The following COL23A1 variants were observed in gnomAD, a reference collection of about 807,000 sequenced individuals.
COL23A1 encodes the protein collagen alpha-1(XXIII) chain.
COL23A1 carries 97 observed loss-of-function variants against 99.3 expected under a neutral mutation model. The observed-to-expected ratio is 0.98, with a 90% CI of 0.83 to 1.16. The LOEUF is 1.16. Among genes scored for constraint, COL23A1 ranks in the 50% most tolerant of loss-of-function variants. COL23A1 has a pLI of 0.00. For missense variants in COL23A1, 762 were observed against 757.4 expected, an observed-to-expected ratio of 1.01 and a Z score of -0.07; for synonymous variants, 320 against 308.2, an observed-to-expected ratio of 1.04 and a Z score of -0.40.
At chr5:178,522,437 G>T (rs1433099870) in intron 2 of COL23A1, among the ~76,000 whole-genome samples, 1 of 152,058 alleles carries the variant, frequency 6.6e-6, no homozygotes, top group African/African-American at 2.4e-5. Context: ...CTAGGACCGG[G>T]GAATAACTCG....
At chr5:178,411,950 G>A (rs145476565) in intron 2 of COL23A1, among the ~76,000 whole-genome samples, 63 of 152,308 alleles carry the variant, frequency 4.1e-4, no homozygotes, top group African/African-American at 1.5e-3. Flanking sequence ...GAATAAGTCG[G>A]CATCATTTTA....
intron 2 of COL23A1, among the ~76,000 whole-genome samples, chr5:178,558,595 C>T (rs1762399829): frequency 6.6e-6 from 1 of 152,150 alleles, no homozygotes; most frequent in Admixed American, 6.5e-5. Flanking sequence ...TTGCTGGCGG[C>T]AACCCACTAA....
chr5:178,458,134 C>G lies in COL23A1; in HGVS notation c.361+102548G>C, dbSNP rs530131969. Among the ~76,000 whole-genome samples, 9 of 2,808 alleles carry G rather than the reference C, an allele frequency of 3.2e-3. No homozygotes were observed. The East Asian group carries it at 0.18, about 57-fold the overall frequency. 1.8% of individuals were successfully genotyped at this position (2,808 alleles called of 152,430 possible). A position where few individuals can be genotyped will look rare whatever the true frequency, so the allele number is the denominator to read the frequency against. ...GCTCCCACCGTCCAAAGATGAGAAC[C>G]CTTGGGTGTCAGTAGAAATAACTGC... is the stretch of plus-strand genomic sequence containing the variant. On this transcript the variant is annotated intron_variant, in intron 2 of 28. Transcript: ENST00000390654.
intron 2 of COL23A1, among the ~76,000 whole-genome samples, chr5:178,481,423 G>A (rs1757332086): frequency 6.6e-6 from 1 of 152,112 alleles, no homozygotes; most frequent in Admixed American, 6.6e-5. Context: ...ACACTACTGA[G>A]AGAGTATAAA....
intron 2 of COL23A1, among the ~76,000 whole-genome samples, chr5:178,479,493 C>T (rs539707): frequency 0.39 from 60,021 of 152,074 alleles, 12,906 homozygotes; most frequent in Admixed American, 0.51. Context: ...TCCAGGTGTC[C>T]ACAGCTCTTT....
At chr5:178,370,206 A>C (rs1381933881) in intron 2 of COL23A1, among the ~76,000 whole-genome samples, 1 of 152,242 alleles carries the variant, frequency 6.6e-6, no homozygotes, top group Non-Finnish European at 1.5e-5. Flanking sequence ...TGAAAAGAGC[A>C]TGCTGGGGAG....
At chr5:178,344,374 C>A (rs1203735264) in intron 2 of COL23A1, among the ~76,000 whole-genome samples, 1 of 152,072 alleles carries the variant, frequency 6.6e-6, no homozygotes, top group Non-Finnish European at 1.5e-5. Flanking sequence ...TGGTGGCTCA[C>A]GCCTGTAATC....
intron 2 of COL23A1, among the ~76,000 whole-genome samples, chr5:178,549,776 T>A (rs1228328299): frequency 6.6e-6 from 1 of 151,992 alleles, no homozygotes; most frequent in African/African-American, 2.4e-5. Context: ...GATTGCACCA[T>A]TGCACTCCAG....
At chr5:178,363,457 G>T (rs771417238) in intron 2 of COL23A1, among the ~76,000 whole-genome samples, 3 of 152,148 alleles carry the variant, frequency 2.0e-5, no homozygotes, top group Non-Finnish European at 4.4e-5. Context: ...AGTATCTATT[G>T]AGTCCTACTA....
At chr5:178,410,429 G>C (rs760599926) in intron 2 of COL23A1, among the ~76,000 whole-genome samples, 6 of 152,146 alleles carry the variant, frequency 3.9e-5, no homozygotes, top group Non-Finnish European at 8.8e-5. Flanking sequence ...TCTTGAAAAA[G>C]AAGAACAAAG....
intron 2 of COL23A1, among the ~76,000 whole-genome samples, chr5:178,471,650 G>A (rs930640947): frequency 5.9e-5 from 9 of 152,000 alleles, no homozygotes; most frequent in Admixed American, 2.6e-4. Context: ...CCTTGCCTTT[G>A]GACCTGCCTC....
chr5:178,303,299 TA>T (rs1758172850), intron 3 of COL23A1, among the ~76,000 whole-genome samples: 1 of 152,152 alleles, frequency 6.6e-6, no homozygotes, highest in Non-Finnish European at 1.5e-5. Flanking sequence ...GCATGGTTTT[TA>T]AAGCTGGTTT....
At chr5:178,516,147 AC>A (rs145202999) in intron 2 of COL23A1, among the ~76,000 whole-genome samples, 1 of 148,990 alleles carries the variant, frequency 6.7e-6, no homozygotes, top group East Asian at 2.0e-4. Flanking sequence ...CCACCACCCT[AC>A]CCCTCTTCCC....
chr5:178,281,308 G>A lies in COL23A1; in HGVS notation c.441+7016C>T, dbSNP rs1039032610. 1.3e-5 allele frequency among the ~76,000 whole-genome samples: 2 copies of A among 152,164 alleles called. No individual in the cohort carries two copies. The highest frequency in any genetic ancestry group is 6.5e-5 in the Admixed American group (1 of 15,280). On this transcript the variant is annotated intron_variant, in intron 5 of 28. Coordinates refer to ENST00000390654, the MANE Select transcript of COL23A1 (RefSeq NM_173465.4). This position sits in a 1 kb window ranked among gnomAD's most constrained non-coding sequence, Gnocchi z 4.0. ...AGTGCAAGAGAGCGTGTGAACGTGCGGTGCTCCATGGGCCTTTCTTGTTCA... is the reference window on the plus strand; with the variant it reads ...AGTGCAAGAGAGCGTGTGAACGTGCAGTGCTCCATGGGCCTTTCTTGTTCA...
chr5:178,561,484 T>C (rs1232383569), intron 1 of COL23A1, among the ~76,000 whole-genome samples: 1 of 152,160 alleles, frequency 6.6e-6, no homozygotes, highest in Admixed American at 6.5e-5. Flanking sequence ...CCTGGCCCGA[T>C]GGAACCCTAT....
chr5:178,253,476 T>C (rs2127541318), intron 16 of COL23A1, among the ~76,000 whole-genome samples: 1 of 152,124 alleles, frequency 6.6e-6, no homozygotes, highest in Admixed American at 6.5e-5. Flanking sequence ...AATATGTTTT[T>C]ATTTTTTATT....
chr5:178,281,132 A>G lies in COL23A1; in HGVS notation c.441+7192T>C, dbSNP rs570513882. On this transcript the variant is annotated intron_variant, in intron 5 of 28. Transcript: ENST00000390654. This position sits in a 1 kb window ranked among gnomAD's most constrained non-coding sequence, Gnocchi z 4.0. ...GCTTTCATCCGGTCTCAGCTTCACTAGAATCTGGGGATTGTGGGGTGGCAC... is the reference window on the plus strand; with the variant it reads ...GCTTTCATCCGGTCTCAGCTTCACTGGAATCTGGGGATTGTGGGGTGGCAC... Among the ~76,000 whole-genome samples, 1 of 152,314 alleles carries G rather than the reference A, an allele frequency of 6.6e-6. No homozygotes were observed. The highest frequency in any genetic ancestry group is 1.9e-4 in the East Asian group (1 of 5,182).
At chr5:178,300,735 A>ATTTATTTATTTT (rs1554134211) in intron 3 of COL23A1, among the ~76,000 whole-genome samples, 1 of 150,354 alleles carries the variant, frequency 6.7e-6, no homozygotes, top group African/African-American at 2.5e-5. Flanking sequence ...TTATTTATTT[A>ATTTATTTATTTT]TTTTTTTTAG....
intron 2 of COL23A1, among the ~76,000 whole-genome samples, chr5:178,446,587 A>T (rs1767170925): frequency 6.6e-6 from 1 of 152,330 alleles, no homozygotes; most frequent in Admixed American, 6.5e-5. Flanking sequence ...AAAAAAAATC[A>T]GAAAAATGAT....
Sources: allele counts gnomAD v4.1 joint callset (sites outside exome capture counted in the v4.1 genomes callset), GRCh38; gene constraint gnomAD v4.1.1; non-coding constraint Gnocchi (gnomAD v3.1); transcripts MANE v1.5; gene names NCBI Gene and HGNC (gene_info 2026-07-23, HGNC 2026-07-21).